Variants in PRH1 observed in about 807,000 individuals in gnomAD.
PRH1 encodes proline rich protein HaeIII subfamily 1.
PRH1 carries 7 observed loss-of-function variants against 7.9 expected under a neutral mutation model. The observed-to-expected ratio is 0.89, with a 90% CI of 0.50 to 1.67. The LOEUF is 1.67. Among genes scored for constraint, PRH1 ranks in the 40% most tolerant of loss-of-function variants. The pLI, the probability that PRH1 is intolerant of heterozygous loss-of-function variation, is 0.00. For missense variants in PRH1, 109 were observed against 223.6 expected, an observed-to-expected ratio of 0.49 and a Z score of 3.27; for synonymous variants, 45 against 80.8, an observed-to-expected ratio of 0.56 and a Z score of 2.38.
At chr12:10,972,936 C>A (rs1372024191) in intron 2 of PRH1, among the ~76,000 whole-genome samples, 1 of 124,084 alleles carries the variant, frequency 8.1e-6, no homozygotes, top group Non-Finnish European at 1.7e-5. Flanking sequence ...CAACCCACCC[C>A]CCCCGCCCGC....
chr12:11,012,955 C>T (rs958906407), intron 1 of PRH1, among the ~76,000 whole-genome samples: 4 of 152,050 alleles, frequency 2.6e-5, no homozygotes, highest in African/African-American at 9.7e-5. Flanking sequence ...ATTATATATT[C>T]AATTCATCAC....
chr12:11,070,120 C>T (rs1449145009), intron 1 of PRH1, among the ~76,000 whole-genome samples: 2 of 152,060 alleles, frequency 1.3e-5, no homozygotes, highest in South Asian at 4.2e-4. Context: ...CAGTTGACAC[C>T]CTGCCTCTCT....
At chr12:11,057,669 A>T (rs901256576) in intron 1 of PRH1, among the ~76,000 whole-genome samples, 3 of 148,696 alleles carry the variant, frequency 2.0e-5, no homozygotes, top group African/African-American at 7.4e-5. Flanking sequence ...AACCAGATGG[A>T]TTATAGAATG....
At chr12:10,944,548 A>C (rs541993022) in intron 2 of PRH1, among the ~76,000 whole-genome samples, 1 of 152,144 alleles carries the variant, frequency 6.6e-6, no homozygotes, top group African/African-American at 2.4e-5. Context: ...GGCGTCCTTT[A>C]TTTCTTTCTC....
At position 10,936,419 on chromosome 12, in the gene PRH1, G is replaced by A. The variant is rs536540035; in HGVS notation, c.-59+37236C>T. 3.9e-5 allele frequency among the ~76,000 whole-genome samples: 6 copies of A among 152,190 alleles called. No homozygotes were observed. The East Asian group carries it at 1.2e-3, about 29-fold the overall frequency. On this transcript the variant is annotated intron_variant, in intron 2 of 3. Transcript: ENST00000539853. ...ATGCCACTTGAGGTATACTTGACATGCAATAAGTTGTACAGATATAAAGTG... is the reference window on the plus strand; with the variant it reads ...ATGCCACTTGAGGTATACTTGACATACAATAAGTTGTACAGATATAAAGTG...
chr12:11,107,283 G>C (rs1352325066), intron 1 of PRH1, among the ~76,000 whole-genome samples: 1 of 152,180 alleles, frequency 6.6e-6, no homozygotes, highest in African/African-American at 2.4e-5. Context: ...ATACAGGTGT[G>C]AACAACCACA....
chr12:11,098,720 T>C (rs1326696013), intron 1 of PRH1, among the ~76,000 whole-genome samples: 1 of 152,216 alleles, frequency 6.6e-6, no homozygotes, highest in African/African-American at 2.4e-5. Context: ...ATCAAAAGCA[T>C]CTAAGATTTT....
intron 1 of PRH1, among the ~76,000 whole-genome samples, chr12:11,017,369 G>T (rs1941342827): frequency 6.6e-6 from 1 of 152,110 alleles, no homozygotes; most frequent in African/African-American, 2.4e-5. Context: ...ACATTAAATA[G>T]AAATAAAATA....
chr12:11,025,249 T>G (rs964147163), intron 1 of PRH1, among the ~76,000 whole-genome samples: 1 of 152,146 alleles, frequency 6.6e-6, no homozygotes, highest in Non-Finnish European at 1.5e-5. Flanking sequence ...GTCATTAATT[T>G]GTAATGCTCC....
chr12:11,031,425 A>G, intron 1 of PRH1: 1 of 1,468,008 alleles, frequency 6.8e-7, no homozygotes, highest in Non-Finnish European at 9.2e-7. Context: ...CCTGACTTCA[A>G]AAATGGAGCC....
chr12:11,171,515 C>T, upstream of PRH1: 1 of 1,232,328 alleles, frequency 8.1e-7, no homozygotes, highest in Non-Finnish European at 1.0e-6. Flanking sequence ...CGTACTTCTA[C>T]GTCGCGGGCT....
chr12:11,050,712 T>C (rs1009124695), upstream of PRH1, among the ~76,000 whole-genome samples: 3 of 152,296 alleles, frequency 2.0e-5, no homozygotes, highest in South Asian at 6.2e-4. Context: ...TCCTGCAGTA[T>C]CCTCCCACCA....
chr12:11,087,179 G>A (rs1469919316), intron 1 of PRH1, among the ~76,000 whole-genome samples: 2 of 113,790 alleles, frequency 1.8e-5, no homozygotes, highest in African/African-American at 5.9e-5. Flanking sequence ...ATAGCCCACT[G>A]CAGCCTTGAA....
chr12:11,085,271 C>G (rs374900277), intron 1 of PRH1, among the ~76,000 whole-genome samples: 3 of 150,928 alleles, frequency 2.0e-5, no homozygotes, highest in Non-Finnish European at 4.4e-5. Flanking sequence ...TAACAGCATA[C>G]TGTAAGGCAA....
chr12:11,143,044 C>T (rs1946751309), intron 1 of PRH1, among the ~76,000 whole-genome samples: 1 of 152,100 alleles, frequency 6.6e-6, no homozygotes, highest in African/African-American at 2.4e-5. Context: ...GACAGAAAAA[C>T]ACAGACTAGT....
At chr12:11,110,216 GA>G (rs1245280990) in intron 1 of PRH1, among the ~76,000 whole-genome samples, 1 of 152,152 alleles carries the variant, frequency 6.6e-6, no homozygotes, top group African/African-American at 2.4e-5. Context: ...AAGAGATGGG[GA>G]TAATGGAACA....
At chr12:11,067,557 A>C (rs1321472604) in intron 1 of PRH1, among the ~76,000 whole-genome samples, 1 of 152,206 alleles carries the variant, frequency 6.6e-6, no homozygotes, top group East Asian at 1.9e-4. Context: ...TTTTAAAAAA[A>C]TATTAATTTA....
chr12:11,153,567 C>T (rs1947166707), intron 1 of PRH1, among the ~76,000 whole-genome samples: 1 of 152,126 alleles, frequency 6.6e-6, no homozygotes, highest in Non-Finnish European at 1.5e-5. Flanking sequence ...TTCCTCCCCT[C>T]GCTGAGAAGG....
intron 1 of PRH1, among the ~76,000 whole-genome samples, chr12:11,060,969 T>C (rs1280670187): frequency 1.3e-5 from 2 of 152,272 alleles, no homozygotes; most frequent in African/African-American, 2.4e-5. Context: ...AAAACAGCAA[T>C]GTCTTTCCTG....
Sources: gnomAD v4.1 joint callset for allele counts (sites outside exome capture counted in the v4.1 genomes callset) on GRCh38, gnomAD v4.1.1 for gene constraint, MANE v1.5 for transcripts, NCBI Gene and HGNC (gene_info 2026-07-23, HGNC 2026-07-21) for gene names.